Variants in DSG2 observed in about 807,000 individuals in gnomAD.
The protein encoded by DSG2 is desmoglein 2, also known as desmoglein-2.
Under a neutral mutation model 75.6 loss-of-function variants are expected in DSG2, and 45 were observed. The ratio of observed to expected loss-of-function variants is 0.60; its 90% CI spans 0.47 to 0.76. The LOEUF (loss-of-function observed/expected upper bound fraction) is 0.76, where lower values mean the gene tolerates loss of function less well. Ranked by LOEUF, DSG2 falls within the 30% of genes least tolerant of loss-of-function variation. The probability of loss-of-function intolerance (pLI) is 0.00; values close to 1 mark genes in which losing one functional copy is unlikely to be tolerated. For synonymous variants in DSG2, 429 were observed against 483.9 expected (o/e 0.89, Z 1.49); for missense variants, 1,267 against 1,357.4 (o/e 0.93, Z 1.05).
At chr18:31,513,712 A>T (rs1178416810) in intron 1 of DSG2, among the ~76,000 whole-genome samples, 1 of 152,158 alleles carries the variant, frequency 6.6e-6, no homozygotes, top group African/African-American at 2.4e-5. Context: ...TGCCCTGAGG[A>T]TGGGTTAGAC....
Position 31,538,841 on chromosome 18 carries a change from C to G in DSG2, c.1742C>G (p.Pro581Arg). The G allele has an allele frequency of 1.2e-6, 2 of 1,614,130 alleles. No homozygotes were observed. The highest frequency in any genetic ancestry group is 2.2e-5 in the South Asian group (2 of 91,076). ...LISDNQGFSC[P>R]EKQVLTLTVC... ...TCAGACAATCAGGGTTTTAGTTGTC[C>G]TGAAAAGCAGGTCCTTACACTCACA... The change falls in exon 12 of 15, where the codon CCT (proline) becomes CGT (arginine). Residue 581 changes from proline (P) to arginine (R), a missense_variant. Transcript: ENST00000261590.
At position 31,547,071 on chromosome 18, in the gene DSG2, A is replaced by G. The variant is rs939606869; in HGVS notation, c.*328A>G. 2 of 401,698 alleles carry G rather than the reference A, an allele frequency of 5.0e-6. No individual in the cohort carries two copies. Among genetic ancestry groups the G allele is most frequent in the Non-Finnish European group, 9.4e-6 (2 of 213,578 alleles). 24.9% of individuals were successfully genotyped at this position (401,698 alleles called of 1,614,324 possible). On this transcript the variant is annotated 3_prime_UTR_variant, in exon 15 of 15. Transcript: ENST00000261590. ...AATTTACCAAGTGAACAGAGTACCT[A>G]GTTCATCAGCCGTCCAGTAAAGCAA...
chr18:31,516,873 T>G (rs1772976206), intron 1 of DSG2, among the ~76,000 whole-genome samples: 1 of 152,252 alleles, frequency 6.6e-6, no homozygotes, highest in Non-Finnish European at 1.5e-5. Context: ...GTCTGCTAGC[T>G]GCTCCGGTAG....
chr18:31,499,529 TC>T (rs113081328), intron 1 of DSG2, among the ~76,000 whole-genome samples: 3 of 152,214 alleles, frequency 2.0e-5, no homozygotes, highest in Admixed American at 6.5e-5. Context: ...TTTCCCCGTG[TC>T]CTTGAGGTAA....
chr18:31,545,725 C>T lies in DSG2; in HGVS notation c.2339C>T (p.Ala780Val), dbSNP rs547406532. 6.1e-5 allele frequency: 99 copies of T among 1,613,454 alleles called. 2 individuals carry two copies. In the South Asian group the frequency reaches 8.0e-4, roughly 13 times the overall value. The change falls in exon 15 of 15, where the codon GCG becomes GTG. Residue 780 changes from alanine to valine, a missense_variant. By Grantham distance (64) the Ala-to-Val change is moderately conservative. Transcript: ENST00000261590. The stretch of plus-strand genomic sequence containing the variant: ...TTTGTTTTGTTTTCATTTTAGAAAG[C>T]GGCCTCTTACACTGAGGAAGATGAA... The part of the protein sequence containing the change: ...EFLRNYFTDK[A>V]ASYTEEDENH...
chr18:31,544,237 T>G (rs1166719640), intron 14 of DSG2, among the ~76,000 whole-genome samples: 1 of 152,138 alleles, frequency 6.6e-6, no homozygotes, highest in Admixed American at 6.5e-5. Flanking sequence ...TCATATAGAC[T>G]GTATTCTAGA....
chr18:31,526,771 T>C (rs2073165554), intron 8 of DSG2, among the ~76,000 whole-genome samples: 1 of 152,178 alleles, frequency 6.6e-6, no homozygotes, highest in Admixed American at 6.5e-5. Flanking sequence ...CGTTAAATTA[T>C]CATGGAGCTG....
chr18:31,500,543 A>G (rs1400682979), intron 1 of DSG2, among the ~76,000 whole-genome samples: 1 of 152,132 alleles, frequency 6.6e-6, no homozygotes, highest in African/African-American at 2.4e-5. Context: ...ATACGTCCAT[A>G]TCTGCTTGCC....
Position 31,546,473 on chromosome 18 carries a change from G to A in DSG2, c.3087G>A (p.Val1029=), listed in dbSNP as rs2073311618. The A allele has an allele frequency of 1.2e-6, 2 of 1,614,042 alleles. No homozygotes were observed. Among genetic ancestry groups the A allele is most frequent in the African/African-American group, 2.7e-5 (2 of 74,912 alleles). Residue 1029 remains valine (V), a synonymous_variant, in exon 15 of 15, where the codon GTG becomes GTA. Coordinates refer to ENST00000261590, the MANE Select transcript of DSG2 (RefSeq NM_001943.5). The part of the protein sequence containing the change: ...RESFLAPSSG[V]QPTLAMPNIA... ...GCTTCCTTGCCCCCAGCTCAGGTGT[G>A]CAGCCTACTCTGGCCATGCCTAATA...
Position 31,546,676 on chromosome 18 carries a change from A to T in DSG2, c.3290A>T (p.Asn1097Ile). ...GGTTTAGAGGAATCTGGTCATTCTA[A>T]TTCTACCATAACCACATCTTCCACC... is the stretch of plus-strand genomic sequence containing the variant. Reference protein sequence around the residue: ...DFGLEESGHSNSTITTSSTRV... With the variant: ...DFGLEESGHSISTITTSSTRV... The change falls in exon 15 of 15, where the codon AAT (asparagine) becomes ATT (isoleucine). Residue 1097 changes from asparagine (N) to isoleucine (I), a missense_variant. Transcript: ENST00000261590. 6.2e-7 allele frequency: 1 copy of T among 1,614,150 alleles called. No individual in the cohort carries two copies. The highest frequency in any genetic ancestry group is 8.5e-7 in the Non-Finnish European group (1 of 1,180,000).
rs794728079 is a variant in DSG2, at chr18:31,536,351, A to G, written c.1573A>G (p.Asn525Asp). The G allele has an allele frequency of 6.2e-7, 1 of 1,614,198 alleles. No homozygotes were observed. The highest frequency in any genetic ancestry group is 2.2e-5 in the East Asian group (1 of 44,874). ...VTAEDLDGHP[N>D]SGPFSFSVID... ...TGCAGAGGACCTGGATGGACACCCA[A>G]ACAGTGGCCCTTTCAGTTTCTCCGT... Residue 525 changes from asparagine (N) to aspartate (D), a missense_variant, in exon 11 of 15, where the codon AAC (asparagine) becomes GAC (aspartate). Physicochemically the swap from Asn to Asp is conservative, Grantham distance 23. Coordinates refer to ENST00000261590, the MANE Select transcript of DSG2 (RefSeq NM_001943.5).
intron 13 of DSG2, 123 bp downstream of exon 13, chr18:31,541,437 CTTTG>C (rs2073267576): frequency 3.9e-6 from 5 of 1,270,114 alleles, no homozygotes; most frequent in Admixed American, 2.0e-5. Context: ...ACTCATGTGC[CTTTG>C]TTAAGCAAAG....
chr18:31,526,692 G>A (rs557252126), intron 8 of DSG2, among the ~76,000 whole-genome samples: 2 of 152,168 alleles, frequency 1.3e-5, no homozygotes, highest in Non-Finnish European at 2.9e-5. Context: ...AGAGGTGCTA[G>A]CATAGAATTG....
chr18:31,546,318 C>A lies in DSG2; in HGVS notation c.2932C>A (p.Pro978Thr). 1 of 1,607,714 alleles carries A rather than the reference C, an allele frequency of 6.2e-7. No homozygotes were observed. ...TCCAGCTTCTACCTTGGTAGATCAG[C>A]CTTATGCTAATGAAGGTACAGTTGT... The part of the protein sequence containing the change: ...YAPASTLVDQ[P>T]YANEGTVVVT... The change falls in exon 15 of 15, where the codon CCT becomes ACT. Residue 978 changes from proline to threonine, a missense_variant. Transcript: ENST00000261590.
At chr18:31,505,423 G>A (rs554564840) in intron 1 of DSG2, among the ~76,000 whole-genome samples, 3 of 152,234 alleles carry the variant, frequency 2.0e-5, no homozygotes, top group South Asian at 4.1e-4. Flanking sequence ...TACAATTAAG[G>A]TTTCCTACCT....
intron 11 of DSG2, among the ~76,000 whole-genome samples, chr18:31,537,523 G>A (rs1367391916): frequency 6.6e-6 from 1 of 151,976 alleles, no homozygotes; most frequent in Non-Finnish European, 1.5e-5. Context: ...GGAGGCTGAG[G>A]CAGGAGAATG....
At chr18:31,526,474 G>GTACCTTTT (rs1333381235) in intron 8 of DSG2, among the ~76,000 whole-genome samples, 1 of 152,158 alleles carries the variant, frequency 6.6e-6, no homozygotes, top group African/African-American at 2.4e-5. Context: ...TAAAAGCAGA[G>GTACCTTTT]TAAAATTGAG....
intron 9 of DSG2, among the ~76,000 whole-genome samples, chr18:31,534,740 C>G (rs1205268966): frequency 6.6e-6 from 1 of 152,054 alleles, no homozygotes; most frequent in African/African-American, 2.4e-5. Context: ...AAACTCCTGA[C>G]CTTAAGTGAT....
chr18:31,526,289 GT>G (rs1487760227), intron 8 of DSG2, among the ~76,000 whole-genome samples: 1 of 152,116 alleles, frequency 6.6e-6, no homozygotes. Flanking sequence ...GATTCCAGAA[GT>G]TTCGAAATTC....
Sources: allele counts gnomAD v4.1 joint callset (sites outside exome capture counted in the v4.1 genomes callset), GRCh38; gene constraint gnomAD v4.1.1; transcripts MANE v1.5; gene names NCBI Gene and HGNC (gene_info 2026-07-23, HGNC 2026-07-21).